The following CACNA1B variants were observed in gnomAD, a reference collection of about 807,000 sequenced individuals.
The protein encoded by CACNA1B is calcium voltage-gated channel subunit alpha1 B.
A neutral mutation model predicts 247.2 loss-of-function variants in CACNA1B; 70 were observed. The observed-to-expected ratio is 0.28, with a 90% confidence interval of 0.23 to 0.35. The LOEUF (loss-of-function observed/expected upper bound fraction) is 0.35, where lower values mean the gene tolerates loss of function less well. CACNA1B is among the 10% of genes least tolerant of loss of function. The probability of loss-of-function intolerance (pLI) is 1.00; values close to 1 mark genes in which losing one functional copy is unlikely to be tolerated. For missense variants in CACNA1B, 2,367 were observed against 3,197.4 expected, an observed-to-expected ratio of 0.74 and a Z score of 6.26; for synonymous variants, 1,231 against 1,294.4, an observed-to-expected ratio of 0.95 and a Z score of 1.05.
At chr9:137,998,714 A>T (rs1012234577) in intron 15 of CACNA1B, among the ~76,000 whole-genome samples, 3 of 152,232 alleles carry the variant, frequency 2.0e-5, no homozygotes, top group Admixed American at 6.5e-5. Flanking sequence ...GAAGGAAAAC[A>T]CTGCAGGGCA....
intron 35 of CACNA1B, among the ~76,000 whole-genome samples, chr9:138,077,227 A>C (rs1960357180): frequency 6.6e-6 from 1 of 152,150 alleles, no homozygotes; most frequent in Non-Finnish European, 1.5e-5. Flanking sequence ...GGGGCTGCGC[A>C]CACAGACACA....
At chr9:137,912,127 C>A (rs1957365871) in intron 3 of CACNA1B, among the ~76,000 whole-genome samples, 1 of 152,164 alleles carries the variant, frequency 6.6e-6, no homozygotes, top group South Asian at 2.1e-4. Context: ...CCATATGGAA[C>A]TGTTAAAAAG....
intron 10 of CACNA1B, among the ~76,000 whole-genome samples, chr9:137,964,387 T>C (rs900451082): frequency 6.6e-6 from 1 of 152,228 alleles, no homozygotes; most frequent in African/African-American, 2.4e-5. Context: ...TTTGTTCATT[T>C]CTTTCCACTC....
Position 138,058,154 on chromosome 9 carries a change from C to T in CACNA1B, c.4212C>T (p.Pro1404=), listed in dbSNP as rs74849357. ...IFYVVYFVVF[P]FFFVNIFVAL... Reference sequence around the variant, plus strand: ...ACGTGGTCTACTTTGTGGTCTTTCCCTTCTTCTTCGTCAACATCTTTGTGG... The same window carrying T: ...ACGTGGTCTACTTTGTGGTCTTTCCTTTCTTCTTCGTCAACATCTTTGTGG... The change falls in exon 28 of 47, where the codon CCC becomes CCT. Residue 1404 remains proline, a synonymous_variant. Coordinates refer to ENST00000371372, the MANE Select transcript of CACNA1B (RefSeq NM_000718.4). This position sits in a 1 kb window ranked among gnomAD's most constrained non-coding sequence, Gnocchi z 4.7. The T allele has an allele frequency of 1.0e-3, 1,611 of 1,613,924 alleles. 3 individuals carry two copies. The highest frequency in any genetic ancestry group is 1.3e-3 in the Non-Finnish European group (1,478 of 1,179,772).
chr9:137,890,616 A>C, intron 3 of CACNA1B: 1 of 150,508 alleles, frequency 6.6e-6, no homozygotes, highest in East Asian at 1.9e-4. Context: ...CGGTGACTGC[A>C]GGCCGGGCTC....
At position 138,121,767 on chromosome 9, in the gene CACNA1B, G is replaced by A. The variant is rs775263564; in HGVS notation, c.6788G>A (p.Arg2263His). 5 of 1,613,152 alleles carry A rather than the reference G, an allele frequency of 3.1e-6. No individual in the cohort carries two copies. The highest frequency in any genetic ancestry group is 4.2e-6 in the Non-Finnish European group (5 of 1,179,874). The change falls in exon 47 of 47, where the codon CGT becomes CAT. Residue 2263 changes from arginine to histidine, a missense_variant. This residue lies in a region of CACNA1B where 773 missense variants were observed against 779.4 expected (regional missense o/e 0.99). Coordinates refer to ENST00000371372, the MANE Select transcript of CACNA1B (RefSeq NM_000718.4). The surrounding 1 kb of genome is among the most constrained non-coding windows in gnomAD (Gnocchi z 6.8). ...RIGSDPYLGQ[R>H]LDSEASVHAL... Reference sequence around the variant, plus strand: ...GGCTCTGACCCTTACCTGGGGCAGCGTCTGGACAGTGAGGCCTCTGTCCAC... The same window carrying A: ...GGCTCTGACCCTTACCTGGGGCAGCATCTGGACAGTGAGGCCTCTGTCCAC...
intron 41 of CACNA1B, 56 bp downstream of exon 41, chr9:138,114,546 A>G (rs1961787374): frequency 1.1e-6 from 1 of 871,022 alleles, no homozygotes; most frequent in East Asian, 2.6e-5. Context: ...AGGCTCTGGC[A>G]TCCTTCGGGG....
At chr9:137,996,255 A>AT (rs1958499265) in intron 15 of CACNA1B, among the ~76,000 whole-genome samples, 1 of 152,238 alleles carries the variant, frequency 6.6e-6, no homozygotes, top group Admixed American at 6.5e-5. Context: ...TATGGAACCA[A>AT]CCCAGATGCC....
intron 3 of CACNA1B, among the ~76,000 whole-genome samples, chr9:137,909,534 C>T (rs1333931756): frequency 6.6e-6 from 1 of 152,170 alleles, no homozygotes; most frequent in Non-Finnish European, 1.5e-5. Flanking sequence ...AGCATTAGAG[C>T]GTCGTTCCTT....
In CACNA1B at chr9:138,072,286, G is replaced by A. The variant is rs1204766048; in HGVS notation, c.4675-1202G>A. ...CCTGCCCCTGCCAGTGGAAGTGGCAGACCTAGGCAGAGGTGTCCTCAGTAC... is the reference window on the plus strand; with the variant it reads ...CCTGCCCCTGCCAGTGGAAGTGGCAAACCTAGGCAGAGGTGTCCTCAGTAC... On this transcript the variant is annotated intron_variant, in intron 32 of 46. Coordinates refer to ENST00000371372, the MANE Select transcript of CACNA1B (RefSeq NM_000718.4). The surrounding 1 kb of genome is among the most constrained non-coding windows in gnomAD (Gnocchi z 4.5). Among the ~76,000 whole-genome samples, 4 of 152,188 alleles carry A rather than the reference G, an allele frequency of 2.6e-5. No homozygotes were observed. The highest frequency in any genetic ancestry group is 4.4e-5 in the Non-Finnish European group (3 of 68,038).
chr9:138,000,122 G>A (rs1469816191), intron 15 of CACNA1B, among the ~76,000 whole-genome samples: 1 of 148,036 alleles, frequency 6.8e-6, no homozygotes, highest in African/African-American at 2.5e-5. Flanking sequence ...TTTTTGAGAT[G>A]GAGTCTCGCT....
Position 138,117,928 on chromosome 9 carries a change from T to G in CACNA1B, c.5778-18T>G, listed in dbSNP as rs2131370667. 3 of 1,550,320 alleles carry G rather than the reference T, an allele frequency of 1.9e-6. No homozygotes were observed. The highest frequency in any genetic ancestry group is 2.8e-5 in the African/African-American group (2 of 71,974). Reference sequence around the variant, plus strand: ...AGTCTCTGACCCTACAGGAATCTGTTTGTCTTCTCTGCCACAGACAAAACC... The same window carrying G: ...AGTCTCTGACCCTACAGGAATCTGTGTGTCTTCTCTGCCACAGACAAAACC... On this transcript the variant is annotated intron_variant, in intron 42 of 46. Transcript: ENST00000371372.
At chr9:137,969,587 G>A (rs1454925986) in intron 10 of CACNA1B, among the ~76,000 whole-genome samples, 2 of 152,144 alleles carry the variant, frequency 1.3e-5, no homozygotes, top group African/African-American at 2.4e-5. Context: ...GGGTTTACAT[G>A]AGTCACGTGT....
At chr9:138,013,725 C>G (rs1287572147) in intron 18 of CACNA1B, among the ~76,000 whole-genome samples, 4 of 152,240 alleles carry the variant, frequency 2.6e-5, no homozygotes, top group Non-Finnish European at 5.9e-5. Flanking sequence ...CTGGCGAAAA[C>G]TGCGTATTCC....
intron 3 of CACNA1B, among the ~76,000 whole-genome samples, chr9:137,906,245 A>G (rs1957297555): frequency 6.6e-6 from 1 of 152,200 alleles, no homozygotes; most frequent in Non-Finnish European, 1.5e-5. Context: ...TCTGTCTTTC[A>G]TGTCTTTGGC....
chr9:138,006,246 T>C (rs1205266483), intron 15 of CACNA1B, among the ~76,000 whole-genome samples: 1 of 151,974 alleles, frequency 6.6e-6, no homozygotes, highest in African/African-American at 2.4e-5. Context: ...TTCCAAAAAT[T>C]AAAGTAGAAA....
At chr9:138,105,587 G>T (rs764820527) in intron 38 of CACNA1B, 112 bp from the exon 39 acceptor site, 1 of 655,590 alleles carries the variant, frequency 1.5e-6, no homozygotes, top group South Asian at 1.7e-5. Context: ...GCACCTGCAG[G>T]CACCACCACT....
At chr9:137,879,182 G>A (rs1281286292) in intron 2 of CACNA1B, 23 bp downstream of exon 2, 1 of 1,515,542 alleles carries the variant, frequency 6.6e-7, no homozygotes, top group Non-Finnish European at 9.1e-7. Context: ...CTGGGCCTGA[G>A]GGCAGGGTGG....
At chr9:137,972,697 T>C (rs2133366763) in intron 11 of CACNA1B, among the ~76,000 whole-genome samples, 1 of 152,196 alleles carries the variant, frequency 6.6e-6, no homozygotes, top group East Asian at 1.9e-4. Flanking sequence ...CCTGGAAGCA[T>C]GGGTGGGAGA....
Sources: allele counts gnomAD v4.1 joint callset (sites outside exome capture counted in the v4.1 genomes callset), GRCh38; gene constraint gnomAD v4.1.1; regional missense constraint gnomAD v4.1.1; non-coding constraint Gnocchi (gnomAD v3.1); transcripts MANE v1.5; gene names NCBI Gene and HGNC (gene_info 2026-07-23, HGNC 2026-07-21).